OSBPL10: variants seen among roughly 807,000 people sequenced by gnomAD.
The protein encoded by OSBPL10 is oxysterol-binding protein-related protein 10.
Under a neutral mutation model 81.7 loss-of-function variants are expected in OSBPL10, and 49 were observed. That is an observed-to-expected ratio of 0.60 (90% CI 0.48 to 0.76). OSBPL10 has a LOEUF of 0.76. Among genes scored for constraint, OSBPL10 ranks in the 30% least tolerant of loss-of-function variants. The pLI is 0.00. For missense variants in OSBPL10, 923 were observed against 987.8 expected (o/e 0.93, Z 0.88); for synonymous variants, 419 against 383.6 (o/e 1.09, Z -1.08).
At chr3:31,877,891 T>C (rs1027848067) in intron 2 of OSBPL10, among the ~76,000 whole-genome samples, 2 of 152,230 alleles carry the variant, frequency 1.3e-5, no homozygotes, top group Admixed American at 1.3e-4. Context: ...GAATTGCCAG[T>C]TTGTGGCAAT....
chr3:31,961,907 G>GTT lies in OSBPL10; in HGVS notation c.281+18990_281+18991dup, dbSNP rs34399596. ...TTTTGGCATCACCAGTTTTGTTTTG[G>GTT]TTTTTTTTTTTTTAAGAGTTTTTTT... is the stretch of plus-strand genomic sequence containing the variant. On this transcript the variant is annotated intron_variant, in intron 1 of 11. Transcript: ENST00000396556. 3.8e-3 allele frequency among the ~76,000 whole-genome samples: 491 copies of GTT among 130,026 alleles called. 3 individuals are homozygous for GTT. Among genetic ancestry groups the GTT allele is most frequent in the African/African-American group, 0.013 (438 of 33,750 alleles). 85.3% of individuals were successfully genotyped at this position (130,026 alleles called of 152,430 possible).
At chr3:31,937,398 C>T (rs1697406593) in intron 1 of OSBPL10, among the ~76,000 whole-genome samples, 1 of 152,158 alleles carries the variant, frequency 6.6e-6, no homozygotes, top group African/African-American at 2.4e-5. Context: ...GCTGAAATTA[C>T]TCATCCGAGA....
intron 7 of OSBPL10, among the ~76,000 whole-genome samples, chr3:31,690,614 G>C (rs751980538): frequency 2.9e-4 from 44 of 152,156 alleles, no homozygotes; most frequent in Non-Finnish European, 5.3e-4. Flanking sequence ...AGGGAATATG[G>C]GCTCACAGCC....
At chr3:31,911,337 A>G (rs1417432581) in intron 1 of OSBPL10, among the ~76,000 whole-genome samples, 1 of 152,148 alleles carries the variant, frequency 6.6e-6, no homozygotes, top group Non-Finnish European at 1.5e-5. Context: ...TAAAGAAAAC[A>G]GTGGGATGGT....
chr3:31,903,680 A>G (rs1161979384), intron 1 of OSBPL10, among the ~76,000 whole-genome samples: 1 of 152,144 alleles, frequency 6.6e-6, no homozygotes, highest in African/African-American at 2.4e-5. Context: ...ATCTCTCATC[A>G]GAGTCAAACA....
At chr3:31,722,382 A>T (rs1267892926) in intron 6 of OSBPL10, among the ~76,000 whole-genome samples, 1 of 152,130 alleles carries the variant, frequency 6.6e-6, no homozygotes, top group East Asian at 1.9e-4. Flanking sequence ...TGCAGGGCAC[A>T]AGAGTCATCT....
At chr3:31,670,563 T>C (rs950726521) in intron 9 of OSBPL10, among the ~76,000 whole-genome samples, 2 of 152,210 alleles carry the variant, frequency 1.3e-5, no homozygotes, top group African/African-American at 4.8e-5. Flanking sequence ...TTTTATTTTC[T>C]GGCGTGTGCT....
At chr3:32,048,380 T>A (rs1253886833) in intron 1 of OSBPL10, among the ~76,000 whole-genome samples, 4 of 150,786 alleles carry the variant, frequency 2.7e-5, no homozygotes, top group Non-Finnish European at 5.9e-5. Context: ...CGATCTCCGC[T>A]CACTGCAACA....
At chr3:31,848,346 C>G (rs532220071) in intron 3 of OSBPL10, among the ~76,000 whole-genome samples, 6 of 151,548 alleles carry the variant, frequency 4.0e-5, no homozygotes, top group Admixed American at 2.6e-4. Context: ...CAAGCCCCCC[C>G]CAGTTAGTTC....
chr3:31,884,931 T>A (rs1401535573), intron 1 of OSBPL10, among the ~76,000 whole-genome samples: 1 of 152,028 alleles, frequency 6.6e-6, no homozygotes, highest in Non-Finnish European at 1.5e-5. Context: ...AATCAAAGCA[T>A]GTGCTGCAGG....
intron 3 of OSBPL10, among the ~76,000 whole-genome samples, chr3:31,850,543 C>T (rs773303881): frequency 7.9e-5 from 12 of 151,988 alleles, no homozygotes; most frequent in Admixed American, 2.0e-4. Context: ...AAGCTTCCAA[C>T]GTGTAAAAAA....
chr3:32,058,992 G>A (rs531566565), intron 1 of OSBPL10, among the ~76,000 whole-genome samples: 23 of 152,272 alleles, frequency 1.5e-4, no homozygotes, highest in South Asian at 6.2e-4. Flanking sequence ...CCTGGTTTAC[G>A]TTGATTTTAA....
intron 1 of OSBPL10, among the ~76,000 whole-genome samples, chr3:31,969,970 G>A (rs1014783458): frequency 4.0e-4 from 61 of 152,190 alleles, no homozygotes; most frequent in African/African-American, 1.4e-3. Context: ...TCTTGCAGTG[G>A]AATTAGCTGG....
intron 4 of OSBPL10, among the ~76,000 whole-genome samples, chr3:31,749,687 C>T (rs898574551): frequency 2.0e-5 from 3 of 151,924 alleles, no homozygotes; most frequent in African/African-American, 4.8e-5. Flanking sequence ...TGGTGGTGGA[C>T]GCCTGTAGTC....
intron 4 of OSBPL10, among the ~76,000 whole-genome samples, chr3:31,787,312 T>C (rs531301622): frequency 6.6e-6 from 1 of 152,270 alleles, no homozygotes; most frequent in African/African-American, 2.4e-5. Context: ...TCGAAAGACA[T>C]GATAGGCTGG....
In OSBPL10 at chr3:32,043,080, A is replaced by ACTGCC. The variant is rs139106783; in HGVS notation, n.298+3410_298+3411insGGCAG. Reference sequence around the variant, plus strand: ...TCCCCACCGTAGTAAGTCTGAGGGTACTGCAGGAGACCAGGGCACATTTCA... The same window carrying ACTGCC: ...TCCCCACCGTAGTAAGTCTGAGGGTACTGCCCTGCAGGAGACCAGGGCACATTTCA... On this transcript the variant is annotated intron_variant and non_coding_transcript_variant, in intron 2 of 3. Coordinates refer to the OSBPL10 transcript ENST00000479173. Among the ~76,000 whole-genome samples the ACTGCC allele has an allele frequency of 5.3e-3, 810 of 152,252 alleles. 21 individuals carry two copies. The East Asian group carries it at 0.088, about 16-fold the overall frequency.
At chr3:31,962,709 G>C (rs1368033421) in intron 1 of OSBPL10, among the ~76,000 whole-genome samples, 1 of 152,132 alleles carries the variant, frequency 6.6e-6, no homozygotes, top group African/African-American at 2.4e-5. Flanking sequence ...TTTTCCATTT[G>C]GCTGTTTTCA....
At chr3:31,881,202 G>A (rs565559178) in intron 1 of OSBPL10, among the ~76,000 whole-genome samples, 2 of 152,224 alleles carry the variant, frequency 1.3e-5, no homozygotes, top group South Asian at 2.1e-4. Flanking sequence ...TACACTCTGC[G>A]GAAGTGGAAA....
intron 5 of OSBPL10, among the ~76,000 whole-genome samples, chr3:31,747,259 A>G (rs1457049668): frequency 1.3e-5 from 2 of 151,942 alleles, no homozygotes; most frequent in Non-Finnish European, 2.9e-5. Context: ...CGGAGGCTGT[A>G]GTGAGCCGAG....
Sources: gnomAD v4.1 joint callset for allele counts (sites outside exome capture counted in the v4.1 genomes callset) on GRCh38, gnomAD v4.1.1 for gene constraint, MANE v1.5 for transcripts, NCBI Gene and HGNC (gene_info 2026-07-23, HGNC 2026-07-21) for gene names.